Variants in MARCHF1 observed in about 807,000 individuals in gnomAD.
The protein encoded by MARCHF1 is membrane associated ring-CH-type finger 1, also known as E3 ubiquitin-protein ligase MARCHF1.
Under a neutral mutation model 54.2 loss-of-function variants are expected in MARCHF1, and 40 were observed. The observed-to-expected ratio is 0.74, with a 90% CI of 0.57 to 0.96. The LOEUF is 0.96. Among genes scored for constraint, MARCHF1 ranks in the 40% least tolerant of loss-of-function variants. MARCHF1 has a pLI of 0.00. For missense variants in MARCHF1, 586 were observed against 656.5 expected, an observed-to-expected ratio of 0.89 and a Z score of 1.17; for synonymous variants, 236 against 236.3, an observed-to-expected ratio of 1.00 and a Z score of 0.01.
intron 3 of MARCHF1, among the ~76,000 whole-genome samples, chr4:163,928,044 A>G (rs12506871): frequency 0.15 from 22,942 of 151,680 alleles, 2,259 homozygotes; most frequent in South Asian, 0.27. Context: ...TGAATGGGGT[A>G]TATATATAGT....
intron 1 of MARCHF1, among the ~76,000 whole-genome samples, chr4:164,150,200 T>G (rs530127539): frequency 6.6e-6 from 1 of 152,338 alleles, no homozygotes; most frequent in Non-Finnish European, 1.5e-5. Context: ...TAAATTTTAT[T>G]CTTAGAGTTT....
chr4:163,697,651 G>A (rs1379374497), intron 5 of MARCHF1, among the ~76,000 whole-genome samples: 2 of 152,136 alleles, frequency 1.3e-5, no homozygotes, highest in African/African-American at 2.4e-5. Flanking sequence ...TCTAGATGGA[G>A]TCCTTTGTAC....
intron 4 of MARCHF1, among the ~76,000 whole-genome samples, chr4:163,823,863 C>G (rs998189895): frequency 7.8e-6 from 1 of 127,824 alleles, no homozygotes; most frequent in African/African-American, 2.7e-5. Context: ...GAGACAAAAT[C>G]GATGTAAAAT....
chr4:164,182,267 A>C (rs1730851500), intron 1 of MARCHF1, among the ~76,000 whole-genome samples: 1 of 151,828 alleles, frequency 6.6e-6, no homozygotes, highest in South Asian at 2.1e-4. Context: ...AGAATAATTT[A>C]GAAAAGATTT....
intron 1 of MARCHF1, among the ~76,000 whole-genome samples, chr4:164,382,805 TCTAAA>T (rs1731413174): frequency 6.6e-6 from 1 of 152,146 alleles, no homozygotes; most frequent in Non-Finnish European, 1.5e-5. Context: ...GCGAGACAAC[TCTAAA>T]CTAAGGTACC....
At chr4:164,159,237 G>A (rs1730164548) in intron 1 of MARCHF1, among the ~76,000 whole-genome samples, 1 of 152,006 alleles carries the variant, frequency 6.6e-6, no homozygotes, top group Non-Finnish European at 1.5e-5. Context: ...AAACTGTTGG[G>A]CATATACATT....
chr4:163,672,250 T>C (rs1447879105), intron 5 of MARCHF1, among the ~76,000 whole-genome samples: 1 of 152,196 alleles, frequency 6.6e-6, no homozygotes, highest in Non-Finnish European at 1.5e-5. Context: ...CCCTCTAAAC[T>C]ATGTATTTTT....
intron 4 of MARCHF1, among the ~76,000 whole-genome samples, chr4:163,818,419 GAATTTTGTAC>G (rs1463303256): frequency 1.3e-5 from 2 of 151,894 alleles, no homozygotes; most frequent in Admixed American, 1.3e-4. Flanking sequence ...TGATTCTGTG[GAATTTTGTAC>G]ACTATATTTT....
chr4:163,981,352 G>A (rs906385671), intron 3 of MARCHF1, among the ~76,000 whole-genome samples: 1 of 152,140 alleles, frequency 6.6e-6, no homozygotes, highest in Admixed American at 6.5e-5. Flanking sequence ...AAAGATGACA[G>A]GCTGAAAGCC....
chr4:164,141,890 T>C (rs1177879430), intron 1 of MARCHF1, among the ~76,000 whole-genome samples: 2 of 152,140 alleles, frequency 1.3e-5, no homozygotes, highest in African/African-American at 2.4e-5. Flanking sequence ...CGGTGATTTC[T>C]GCATTTCCAT....
intron 3 of MARCHF1, among the ~76,000 whole-genome samples, chr4:163,924,318 G>T (rs1427160136): frequency 6.6e-6 from 1 of 152,034 alleles, no homozygotes; most frequent in Non-Finnish European, 1.5e-5. Flanking sequence ...GACATGTGAA[G>T]AAGAGAAGAA....
At chr4:163,974,328 A>C (rs1210014751) in intron 3 of MARCHF1, among the ~76,000 whole-genome samples, 4 of 152,302 alleles carry the variant, frequency 2.6e-5, no homozygotes, top group Middle Eastern at 3.4e-3. Context: ...GCTTCCATTA[A>C]GAAATTGGAC....
chr4:163,534,766 A>T (rs1025530964), intron 9 of MARCHF1, among the ~76,000 whole-genome samples: 1 of 151,828 alleles, frequency 6.6e-6, no homozygotes, highest in South Asian at 2.1e-4. Flanking sequence ...GATCTTAAGG[A>T]TAGGAATTTT....
chr4:164,124,945 T>C (rs1220539949), intron 1 of MARCHF1, among the ~76,000 whole-genome samples: 4 of 152,176 alleles, frequency 2.6e-5, no homozygotes, highest in African/African-American at 9.7e-5. Flanking sequence ...ATCGGATTGT[T>C]TGTAACTCAA....
intron 2 of MARCHF1, among the ~76,000 whole-genome samples, chr4:164,056,691 T>C (rs926234849): frequency 1.3e-5 from 2 of 152,338 alleles, no homozygotes; most frequent in African/African-American, 4.8e-5. Flanking sequence ...CAGTGATTCA[T>C]GCTCAGCAAG....
At chr4:163,865,047 C>T (rs1027562515) in intron 3 of MARCHF1, among the ~76,000 whole-genome samples, 3 of 151,846 alleles carry the variant, frequency 2.0e-5, no homozygotes, top group African/African-American at 4.8e-5. Flanking sequence ...GGTTCCACTC[C>T]CGTCTCTCTT....
intron 1 of MARCHF1, among the ~76,000 whole-genome samples, chr4:164,258,017 G>A (rs1286510241): frequency 6.6e-6 from 1 of 152,138 alleles, no homozygotes; most frequent in Non-Finnish European, 1.5e-5. Context: ...GCCCATCAAT[G>A]ATAGACTGGA....
At chr4:163,974,534 T>C (rs1445666664) in intron 3 of MARCHF1, among the ~76,000 whole-genome samples, 2 of 152,216 alleles carry the variant, frequency 1.3e-5, no homozygotes, top group Non-Finnish European at 2.9e-5. Context: ...AATCATGGAA[T>C]AGTGAAAAAC....
At position 163,986,249 on chromosome 4, in the gene MARCHF1, C is replaced by CTTTT. The variant is rs869081083; in HGVS notation, c.-39+2248_-39+2251dup. On this transcript the variant is annotated intron_variant, in intron 3 of 9. Transcript: ENST00000514618. ...TTCCTTTTCTCCTAATTAACCTCTT[C>CTTTT]TTTTTTTTTTTTTTTTTTTTTTTTT... is the stretch of plus-strand genomic sequence containing the variant. Among the ~76,000 whole-genome samples, 92 of 28,864 alleles carry CTTTT rather than the reference C, an allele frequency of 3.2e-3. 9 individuals are homozygous for CTTTT. Among genetic ancestry groups the CTTTT allele is most frequent in the Non-Finnish European group, 4.0e-3 (52 of 12,984 alleles). The allele number at this position is 28,864 out of a possible 152,430, so 18.9% of individuals were successfully genotyped here. A position where few individuals can be genotyped will look rare whatever the true frequency, so the allele number is the denominator to read the frequency against.
Sources: allele counts gnomAD v4.1 joint callset (sites outside exome capture counted in the v4.1 genomes callset), GRCh38; gene constraint gnomAD v4.1.1; transcripts MANE v1.5; gene names NCBI Gene and HGNC (gene_info 2026-07-23, HGNC 2026-07-21).